PAK2: variants seen among roughly 807,000 people sequenced by gnomAD.
PAK2 encodes the protein serine/threonine-protein kinase PAK 2.
PAK2 carries 21 observed loss-of-function variants against 65.9 expected under a neutral mutation model. The ratio of observed to expected loss-of-function variants is 0.32; its 90% CI spans 0.23 to 0.46. The LOEUF is 0.46. Ranked by LOEUF, PAK2 falls within the 20% of genes least tolerant of loss-of-function variation. PAK2 has a pLI of 1.00. For missense variants in PAK2, 324 were observed against 642.6 expected, an observed-to-expected ratio of 0.50 and a Z score of 5.36; for synonymous variants, 204 against 219.7, an observed-to-expected ratio of 0.93 and a Z score of 0.63.
rs1158286792 is a variant in PAK2, at chr3:196,831,500, T to C, written c.*3095T>C. 2 of 152,234 alleles carry C rather than the reference T, an allele frequency of 1.3e-5. No homozygotes were observed. The highest frequency in any genetic ancestry group is 4.8e-5 in the African/African-American group (2 of 41,464). The allele number at this position is 152,234 out of a possible 1,614,324, so 9.4% of individuals were successfully genotyped here. On this transcript the variant is annotated 3_prime_UTR_variant, in exon 15 of 15. Coordinates refer to ENST00000327134, the MANE Select transcript of PAK2 (RefSeq NM_002577.4). ...TACAACTCTGTCTTCATGTGTTGAC[T>C]GCCTGGCACATAGTATTCATTCTCT... is the stretch of plus-strand genomic sequence containing the variant.
At chr3:196,814,951 G>A (rs146882354) in intron 11 of PAK2, among the ~76,000 whole-genome samples, 1,648 of 151,162 alleles carry the variant, frequency 0.011, 33 homozygotes, top group African/African-American at 0.038. Flanking sequence ...AGGCCGAGGC[G>A]GGTGGATCAC....
At chr3:196,740,747 T>G (rs965168057) in intron 1 of PAK2, among the ~76,000 whole-genome samples, 1 of 152,182 alleles carries the variant, frequency 6.6e-6, no homozygotes, top group Non-Finnish European at 1.5e-5. Context: ...TTTCGGAGCT[T>G]CTCCTCGCTC....
intron 1 of PAK2, among the ~76,000 whole-genome samples, chr3:196,765,873 G>A (rs141679321): frequency 6.6e-6 from 1 of 151,488 alleles, no homozygotes; most frequent in East Asian, 1.9e-4. Context: ...TGCTCCTTGA[G>A]AATAAAAAGA....
intron 2 of PAK2, among the ~76,000 whole-genome samples, chr3:196,795,939 A>C (rs1715245241): frequency 6.6e-6 from 1 of 152,090 alleles, no homozygotes; most frequent in African/African-American, 2.4e-5. Context: ...GGTGCGGGGG[A>C]ATGGTTTCGA....
intron 1 of PAK2, among the ~76,000 whole-genome samples, chr3:196,748,376 G>A (rs1027358479): frequency 2.0e-5 from 3 of 152,124 alleles, no homozygotes; most frequent in Non-Finnish European, 2.9e-5. Flanking sequence ...GGGTTTGCTC[G>A]TATGGTATTG....
intron 1 of PAK2, among the ~76,000 whole-genome samples, chr3:196,761,463 AG>A (rs1241366335): frequency 2.6e-5 from 2 of 77,398 alleles, no homozygotes; most frequent in Non-Finnish European, 5.1e-5. Context: ...CAGAGAGCAC[AG>A]GGTTGGGGGT....
Position 196,754,366 on chromosome 3 carries a change from A to T in PAK2, c.-22+14209A>T, listed in dbSNP as rs997822000. Among the ~76,000 whole-genome samples, 51 of 152,116 alleles carry T rather than the reference A, an allele frequency of 3.4e-4. 1 individual carries two copies. Among genetic ancestry groups the T allele is most frequent in the African/African-American group, 1.2e-3 (51 of 41,442 alleles). On this transcript the variant is annotated intron_variant, in intron 1 of 14. Transcript: ENST00000327134. ...GTCCTGTCTCATGTGCATTTGTCAG[A>T]GATGTGTGTGTGTTTTCCTTGCCTC...
At chr3:196,786,249 G>GC (rs1240113063) in intron 2 of PAK2, among the ~76,000 whole-genome samples, 12 of 149,504 alleles carry the variant, frequency 8.0e-5, no homozygotes, top group South Asian at 2.1e-4. Context: ...TGCAACCTCC[G>GC]CCCCCCGGGT....
At chr3:196,826,475 G>T (rs974069488) in intron 13 of PAK2, among the ~76,000 whole-genome samples, 3 of 150,008 alleles carry the variant, frequency 2.0e-5, no homozygotes, top group East Asian at 2.0e-4. Context: ...CCCGGCCTTG[G>T]TTTTTTTTTG....
At chr3:196,782,289 C>T (rs1467500869) in intron 1 of PAK2, among the ~76,000 whole-genome samples, 2 of 147,004 alleles carry the variant, frequency 1.4e-5, no homozygotes, top group East Asian at 3.9e-4. Flanking sequence ...TATTTTTCCT[C>T]TTTGGAATTA....
chr3:196,757,843 A>C (rs574973819), intron 1 of PAK2, among the ~76,000 whole-genome samples: 28 of 152,318 alleles, frequency 1.8e-4, no homozygotes, highest in Non-Finnish European at 3.5e-4. Flanking sequence ...GTTTAGACTC[A>C]CGACCTGGGG....
chr3:196,807,809 G>C lies in PAK2; in HGVS notation c.604G>C (p.Val202Leu). ...SIYTRSVIDP[V>L]PAPVGDSHVD... ...TTACACACGGTCTGTAATTGACCCTGTTCCTGCACCAGTTGGTGATTCACA... is the reference window on the plus strand; with the variant it reads ...TTACACACGGTCTGTAATTGACCCTCTTCCTGCACCAGTTGGTGATTCACA... The change falls in exon 7 of 15, where the codon GTT (valine) becomes CTT (leucine). Residue 202 changes from valine to leucine, a missense_variant. Coordinates refer to ENST00000327134, the MANE Select transcript of PAK2 (RefSeq NM_002577.4). 1 of 1,611,300 alleles carries C rather than the reference G, an allele frequency of 6.2e-7. No individual in the cohort carries two copies. The highest frequency in any genetic ancestry group is 1.3e-5 in the African/African-American group (1 of 74,998).
rs1032865066 is a variant in PAK2 at position 196,739,957 on chromosome 3, C to T, written c.-222C>T. 1.3e-5 allele frequency: 2 copies of T among 152,176 alleles called. No homozygotes were observed. The highest frequency in any genetic ancestry group is 1.9e-4 in the East Asian group (1 of 5,170). 9.4% of individuals were successfully genotyped at this position (152,176 alleles called of 1,614,324 possible). On this transcript the variant is annotated 5_prime_UTR_variant, in exon 1 of 15. Transcript: ENST00000327134. Reference sequence around the variant, plus strand: ...CATTGCCGAAGGCTCCCTCCCCTCCCCTCCCTGGCGTGCGCAGGACTCCGC... The same window carrying T: ...CATTGCCGAAGGCTCCCTCCCCTCCTCTCCCTGGCGTGCGCAGGACTCCGC...
rs764936201 is a variant in PAK2 at position 196,831,986 on chromosome 3, T to C, written c.*3581T>C. 1.3e-5 allele frequency: 2 copies of C among 152,102 alleles called. No homozygotes were observed. The highest frequency in any genetic ancestry group is 4.8e-5 in the African/African-American group (2 of 41,434). 9.4% of individuals were successfully genotyped at this position (152,102 alleles called of 1,614,324 possible). ...GATAGTGTGTGTATATAAGAAAAAA[T>C]AGATACACACATTCTTTTTTCTCAG... On this transcript the variant is annotated 3_prime_UTR_variant, in exon 15 of 15. Transcript: ENST00000327134.
rs149522539 is a variant in PAK2 at position 196,751,674 on chromosome 3, C to CATATATATATATAT, written c.-22+11525_-22+11538dup. Among the ~76,000 whole-genome samples the CATATATATATATAT allele has an allele frequency of 3.8e-3, 275 of 71,786 alleles. 13 individuals carry two copies. The highest frequency in any genetic ancestry group is 0.014 in the Middle Eastern group (2 of 146). The allele number at this position is 71,786 out of a possible 152,430, so 47.1% of individuals were successfully genotyped here. A position where few individuals can be genotyped will look rare whatever the true frequency, so the allele number is the denominator to read the frequency against. On this transcript the variant is annotated intron_variant, in intron 1 of 14. Coordinates refer to ENST00000327134, the MANE Select transcript of PAK2 (RefSeq NM_002577.4). ...AAAAACACACAAATTTATTTATATA[C>CATATATATATATAT]ATATATATATATATATATATAATTC...
intron 1 of PAK2, among the ~76,000 whole-genome samples, chr3:196,767,831 C>T (rs9872035): frequency 0.46 from 69,912 of 151,906 alleles, 17,056 homozygotes; most frequent in Non-Finnish European, 0.54. Flanking sequence ...TTGATCACAA[C>T]TATACTAAAA....
intron 9 of PAK2, 24 bp downstream of exon 9, chr3:196,812,291 G>C: frequency 7.0e-7 from 1 of 1,430,410 alleles, no homozygotes. Flanking sequence ...TGTAATCCTG[G>C]GTGTTACCAT....
At chr3:196,774,677 C>T (rs971628019) in intron 1 of PAK2, among the ~76,000 whole-genome samples, 1 of 152,174 alleles carries the variant, frequency 6.6e-6, no homozygotes, top group Non-Finnish European at 1.5e-5. Context: ...AGTTCAGTGG[C>T]CCTAATGCCA....
chr3:196,806,166 C>T (rs1391324943), intron 5 of PAK2, among the ~76,000 whole-genome samples: 1 of 152,030 alleles, frequency 6.6e-6, no homozygotes, highest in African/African-American at 2.4e-5. Flanking sequence ...CCACCTCGGC[C>T]TCCCAAAGTG....
Sources: allele counts gnomAD v4.1 joint callset (sites outside exome capture counted in the v4.1 genomes callset), GRCh38; gene constraint gnomAD v4.1.1; transcripts MANE v1.5; gene names NCBI Gene and HGNC (gene_info 2026-07-23, HGNC 2026-07-21).